PRKCE: variants seen among roughly 807,000 people sequenced by gnomAD.
The protein encoded by PRKCE is protein kinase C epsilon.
Under a neutral mutation model 85.4 loss-of-function variants are expected in PRKCE, and 16 were observed. The observed-to-expected ratio is 0.19, with a 90% CI of 0.13 to 0.28. The LOEUF (loss-of-function observed/expected upper bound fraction) is 0.28. Ranked by LOEUF, PRKCE falls within the 10% of genes least tolerant of loss-of-function variation. The probability of loss-of-function intolerance (pLI) is 1.00; values close to 1 mark genes in which losing one functional copy is unlikely to be tolerated. For synonymous variants in PRKCE, 388 were observed against 371.5 expected, an observed-to-expected ratio of 1.04 and a Z score of -0.51; for missense variants, 573 against 975.2, an observed-to-expected ratio of 0.59 and a Z score of 5.49.
chr2:45,717,190 T>C (rs1470934259), intron 1 of PRKCE, among the ~76,000 whole-genome samples: 1 of 152,170 alleles, frequency 6.6e-6, no homozygotes, highest in Non-Finnish European at 1.5e-5. Context: ...ATGAGGATGA[T>C]AGAATTACAG....
rs191228234 is a variant in PRKCE at position 45,783,078 on chromosome 2, T to G, written c.349-59922T>G. On this transcript the variant is annotated intron_variant, in intron 1 of 14. Coordinates refer to ENST00000306156, the MANE Select transcript of PRKCE (RefSeq NM_005400.3). ...TGGATTATGAATATAAATAGCCATGTGCTGGCCCCAGTGGCCAGTGTGCAC... is the reference window on the plus strand; with the variant it reads ...TGGATTATGAATATAAATAGCCATGGGCTGGCCCCAGTGGCCAGTGTGCAC... Among the ~76,000 whole-genome samples the G allele has an allele frequency of 1.3e-3, 204 of 152,362 alleles. 1 individual carries two copies. Among genetic ancestry groups the G allele is most frequent in the African/African-American group, 4.7e-3 (197 of 41,592 alleles).
intron 1 of PRKCE, among the ~76,000 whole-genome samples, chr2:45,732,935 G>A (rs78855935): frequency 0.044 from 6,760 of 152,248 alleles, 270 homozygotes; most frequent in African/African-American, 0.1. Context: ...AAGGGTCGAC[G>A]ACTTTCTTTA....
chr2:46,035,471 C>T (rs1023429477), intron 10 of PRKCE, among the ~76,000 whole-genome samples: 1 of 152,212 alleles, frequency 6.6e-6, no homozygotes, highest in Non-Finnish European at 1.5e-5. Context: ...CTTCCCAGTC[C>T]CTGCCTGCTC....
chr2:45,960,855 G>GC (rs1270721242), intron 2 of PRKCE, among the ~76,000 whole-genome samples: 11 of 152,068 alleles, frequency 7.2e-5, no homozygotes, highest in African/African-American at 2.4e-4. Context: ...AATCCTTTCT[G>GC]CCCCCCAGTT....
chr2:45,667,743 C>A (rs1042200662), intron 1 of PRKCE, among the ~76,000 whole-genome samples: 6 of 151,988 alleles, frequency 3.9e-5, no homozygotes, highest in African/African-American at 1.2e-4. Flanking sequence ...TTCCCATATA[C>A]CCCCTCACCT....
chr2:45,901,373 T>C (rs1014872073), intron 2 of PRKCE, among the ~76,000 whole-genome samples: 2 of 152,226 alleles, frequency 1.3e-5, no homozygotes, highest in Non-Finnish European at 2.9e-5. Context: ...CTAGGTAAGG[T>C]ATTAGCCTGT....
intron 1 of PRKCE, among the ~76,000 whole-genome samples, chr2:45,779,025 C>G (rs975710364): frequency 2.6e-5 from 4 of 152,176 alleles, no homozygotes; most frequent in African/African-American, 9.7e-5. Flanking sequence ...GTTTTACCTA[C>G]TTTACTTTGA....
chr2:46,019,681 C>T lies in PRKCE; in HGVS notation c.1437+9164C>T, dbSNP rs115128438. Among the ~76,000 whole-genome samples, 714 of 152,116 alleles carry T rather than the reference C, an allele frequency of 4.7e-3. 8 individuals are homozygous for T. Among genetic ancestry groups the T allele is most frequent in the African/African-American group, 0.015 (604 of 41,464 alleles). The stretch of plus-strand genomic sequence containing the variant: ...GCCTATGGTAAAACTGGTTTCCTTA[C>T]GTGTCTTTTCACTTGAAGTTGCAGT... On this transcript the variant is annotated intron_variant, in intron 10 of 14. Transcript: ENST00000306156.
chr2:45,827,787 T>G (rs1185888133), intron 1 of PRKCE, among the ~76,000 whole-genome samples: 1 of 152,218 alleles, frequency 6.6e-6, no homozygotes, highest in African/African-American at 2.4e-5. Flanking sequence ...AAATTTGATT[T>G]ATACCTTCAA....
chr2:45,991,540 G>A (rs1703798940), intron 6 of PRKCE, among the ~76,000 whole-genome samples: 1 of 152,162 alleles, frequency 6.6e-6, no homozygotes. Flanking sequence ...TTACTTACTA[G>A]AAAGAGTCCA....
At chr2:45,718,502 A>AC (rs1680342475) in intron 1 of PRKCE, among the ~76,000 whole-genome samples, 1 of 151,432 alleles carries the variant, frequency 6.6e-6, no homozygotes, top group African/African-American at 2.4e-5. Context: ...GCACCACTAC[A>AC]CTCAGCTAAT....
chr2:45,936,990 G>C (rs1313303469), intron 2 of PRKCE, among the ~76,000 whole-genome samples: 1 of 152,208 alleles, frequency 6.6e-6, no homozygotes, highest in African/African-American at 2.4e-5. Context: ...GCCTGGTACA[G>C]ACACAAGCCT....
At chr2:45,950,284 G>C (rs771139590) in intron 2 of PRKCE, among the ~76,000 whole-genome samples, 2 of 152,156 alleles carry the variant, frequency 1.3e-5, no homozygotes, top group Non-Finnish European at 2.9e-5. Context: ...TGAATGCTTA[G>C]TTTTAACACT....
intron 10 of PRKCE, among the ~76,000 whole-genome samples, chr2:46,043,338 A>AT (rs1232559589): frequency 5.3e-5 from 8 of 152,338 alleles, no homozygotes; most frequent in Non-Finnish European, 8.8e-5. Flanking sequence ...TCTTACAGTC[A>AT]TGCTTATATG....
intron 2 of PRKCE, among the ~76,000 whole-genome samples, chr2:45,897,942 C>G (rs1696273045): frequency 6.6e-6 from 1 of 152,208 alleles, no homozygotes; most frequent in African/African-American, 2.4e-5. Flanking sequence ...TGCCCAACCT[C>G]TGGTGTGATT....
intron 8 of PRKCE, among the ~76,000 whole-genome samples, chr2:46,006,417 C>T (rs1377726596): frequency 2.0e-5 from 3 of 152,208 alleles, no homozygotes; most frequent in African/African-American, 7.2e-5. Flanking sequence ...CCCTCCCCAA[C>T]ACGTCTCAGA....
At chr2:45,816,134 C>A (rs1225909915) in intron 1 of PRKCE, among the ~76,000 whole-genome samples, 2 of 152,182 alleles carry the variant, frequency 1.3e-5, no homozygotes, top group Non-Finnish European at 2.9e-5. Flanking sequence ...TTTATCACAG[C>A]TACCAAAATC....
chr2:45,863,865 G>A (rs541533417), intron 2 of PRKCE, among the ~76,000 whole-genome samples: 7 of 152,096 alleles, frequency 4.6e-5, no homozygotes, highest in African/African-American at 1.2e-4. Flanking sequence ...GGAATGGTGC[G>A]CCTGGCTGCA....
intron 1 of PRKCE, among the ~76,000 whole-genome samples, chr2:45,706,285 T>C (rs895449173): frequency 6.6e-6 from 1 of 152,170 alleles, no homozygotes; most frequent in Non-Finnish European, 1.5e-5. Context: ...AGGATTGCCT[T>C]AGACACTCAA....
Sources: gnomAD v4.1 joint callset for allele counts (sites outside exome capture counted in the v4.1 genomes callset) on GRCh38, gnomAD v4.1.1 for gene constraint, MANE v1.5 for transcripts, NCBI Gene and HGNC (gene_info 2026-07-23, HGNC 2026-07-21) for gene names.